LILRA6: variants seen among roughly 807,000 people sequenced by gnomAD.
LILRA6 encodes leukocyte immunoglobulin like receptor A6.
In LILRA6, 16 loss-of-function variants were observed where a neutral mutation model predicts 53.9. The observed-to-expected ratio is 0.30, with a 90% CI of 0.20 to 0.45. The LOEUF (loss-of-function observed/expected upper bound fraction) is 0.45. Ranked by LOEUF, LILRA6 falls within the 20% of genes least tolerant of loss-of-function variation. The pLI, the probability that LILRA6 is intolerant of heterozygous loss-of-function variation, is 1.00. For missense variants in LILRA6, 306 were observed against 618.6 expected, an observed-to-expected ratio of 0.49 and a Z score of 5.36; for synonymous variants, 135 against 256.4, an observed-to-expected ratio of 0.53 and a Z score of 4.52.
chr19:54,239,348 G>T, intron 7 of LILRA6: 2 of 1,093,062 alleles, frequency 1.8e-6, no homozygotes, highest in Admixed American at 5.2e-5. Context: ...TCATGACGTG[G>T]CTTTTACGGA....
exon 8 of LILRA6, chr19:54,238,811 G>A: frequency 2.8e-6 from 4 of 1,428,748 alleles, no homozygotes; most frequent in Non-Finnish European, 1.9e-6. Context: ...TTTGTGATCA[G>A]ACATGATTAC....
chr19:54,240,920 G>C (rs201564548), exon 5 of LILRA6: 4,614 of 1,612,716 alleles, frequency 2.9e-3, no homozygotes, highest in Non-Finnish European at 3.6e-3. Flanking sequence ...GCCCCCGTGG[G>C]AGGGGCTCAC....
At chr19:54,239,821 G>T (rs1207687509) in intron 7 of LILRA6, 80 bp downstream of exon 7, 3 of 1,550,692 alleles carry the variant, frequency 1.9e-6, no homozygotes, top group South Asian at 1.2e-5. Flanking sequence ...CCGTCCTTGA[G>T]GGGAGGGGAG....
exon 8 of LILRA6, chr19:54,238,864 T>C (rs945648705): frequency 7.1e-6 from 11 of 1,554,052 alleles, no homozygotes; most frequent in Non-Finnish European, 8.7e-6. Flanking sequence ...CCTCTGGAGG[T>C]CCTAGATTGT....
chr19:54,238,909 C>G (rs1408089802), exon 8 of LILRA6: 1 of 1,601,634 alleles, frequency 6.2e-7, no homozygotes, highest in Non-Finnish European at 8.5e-7. Context: ...AGATCTGTCC[C>G]TGAGGCTCCA....
intron 7 of LILRA6, 73 bp from the exon 8 acceptor site, chr19:54,239,162 C>T: frequency 1.3e-6 from 2 of 1,597,296 alleles, no homozygotes; most frequent in Non-Finnish European, 1.7e-6. Context: ...GGATGCCCAA[C>T]CCAGGGCACC....
chr19:54,242,471 T>G (rs1272094253), intron 2 of LILRA6, 48 bp downstream of exon 2: 1 of 1,077,496 alleles, frequency 9.3e-7, no homozygotes, highest in Admixed American at 2.3e-5. Flanking sequence ...GTGTGGCCCT[T>G]GTCCCTAGTA....
exon 8 of LILRA6, chr19:54,238,910 T>C (rs1044646112): frequency 3.7e-6 from 6 of 1,601,970 alleles, no homozygotes; most frequent in African/African-American, 1.4e-5. Flanking sequence ...GATCTGTCCC[T>C]GAGGCTCCAC....
exon 6 of LILRA6, chr19:54,240,505 G>A (rs2078727500): frequency 1.9e-6 from 3 of 1,605,042 alleles, no homozygotes; most frequent in Admixed American, 1.7e-5. Context: ...TGACACAGCA[G>A]GGTCACGTTC....
At chr19:54,239,371 A>T in intron 7 of LILRA6, 2 of 810,892 alleles carry the variant, frequency 2.5e-6, no homozygotes, top group Non-Finnish European at 3.7e-6. Context: ...TCCTCAATAA[A>T]CCCTCCCTCT....
rs768816389 is a variant in LILRA6, at chr19:54,242,103, G to A, written c.278C>T (p.Ala93Val). 7.2e-6 allele frequency: 10 copies of A among 1,394,066 alleles called. 1 individual carries two copies. The highest frequency in any genetic ancestry group is 2.8e-5 in the South Asian group (2 of 71,822). The allele number at this position is 1,394,066 out of a possible 1,614,324, so 86.4% of individuals were successfully genotyped here. A position where few individuals can be genotyped will look rare whatever the true frequency, so the allele number is the denominator to read the frequency against. ...GTAATAGTGGCAGCGGTATCTCCCC[G>A]CATGGTGCTCTGTTATGGATGGGAT... Residue 93 changes from alanine to valine, a missense_variant, in exon 3 of 8, where the codon GCG (alanine) becomes GTG (valine). Ala to Val is a moderately conservative substitution (Grantham distance 64). This residue lies in a region of LILRA6 where 30 missense variants were observed against 36.4 expected (regional missense o/e 0.82). Coordinates refer to ENST00000396365, the Ensembl canonical transcript of LILRA6.
In LILRA6 at chr19:54,240,536, G is replaced by A. The variant is rs1474243207; in HGVS notation, c.996C>T (p.Gly332=). The change falls in exon 6 of 8, where the codon GGC becomes GGT. Residue 332 remains glycine, a synonymous_variant. Coordinates refer to ENST00000396365, the Ensembl canonical transcript of LILRA6. ...CGTTCTCTCCTGAGGCCACTGTGGGGCCCGGCTGTGCTGACAGGGAGACGG... is the reference window on the plus strand; with the variant it reads ...CGTTCTCTCCTGAGGCCACTGTGGGACCCGGCTGTGCTGACAGGGAGACGG... 4 of 1,609,696 alleles carry A rather than the reference G, an allele frequency of 2.5e-6. No individual in the cohort carries two copies. The South Asian group carries it at 4.5e-5, about 18-fold the overall frequency.
downstream of LILRA6, chr19:54,238,205 T>C (rs543366795): frequency 2.0e-5 from 3 of 150,468 alleles, no homozygotes; most frequent in East Asian, 3.9e-4. Flanking sequence ...GCCCAGCTAA[T>C]GTTTTGTATT....
exon 5 of LILRA6, chr19:54,240,847 C>T (rs780938924): frequency 6.2e-7 from 1 of 1,613,740 alleles, no homozygotes; most frequent in Middle Eastern, 1.7e-4. Context: ...TCAGGATGTT[C>T]AGGGGGTCGC....
Position 54,239,093 on chromosome 19 carries a change from G to C in LILRA6, c.1310-4C>G. On this transcript the variant is annotated splice_polypyrimidine_tract_variant and splice_region_variant and intron_variant, in intron 7 of 7. Transcript: ENST00000396365. ...GTGTAATCCTTGGCGTGTGAGGCTG[G>C]GGATGGTGGGCAAAGAGGTCACAGA... is the stretch of plus-strand genomic sequence containing the variant. 1 of 1,611,076 alleles carries C rather than the reference G, an allele frequency of 6.2e-7. No individual in the cohort carries two copies. Among genetic ancestry groups the C allele is most frequent in the Non-Finnish European group, 8.5e-7 (1 of 1,179,402 alleles).
At chr19:54,240,507 G>T in exon 6 of LILRA6, 5 of 1,606,134 alleles carry the variant, frequency 3.1e-6, no homozygotes, top group Non-Finnish European at 3.4e-6. Context: ...ACACAGCAGG[G>T]TCACGTTCTC....
At chr19:54,239,835 G>A (rs1420897666) in intron 7 of LILRA6, 66 bp downstream of exon 7, 3 of 1,550,598 alleles carry the variant, frequency 1.9e-6, no homozygotes, top group Non-Finnish European at 1.7e-6. Context: ...AGGGGAGTGG[G>A]ATCCTTTGGG....
At chr19:54,240,520 C>T in exon 6 of LILRA6, 3 of 1,608,772 alleles carry the variant, frequency 1.9e-6, no homozygotes, top group Non-Finnish European at 2.5e-6. Flanking sequence ...ACGTTCTCTC[C>T]TGAGGCCACT....
At chr19:54,240,940 G>T in exon 5 of LILRA6, 1 of 1,614,080 alleles carries the variant, frequency 6.2e-7, no homozygotes, top group Non-Finnish European at 8.5e-7. Context: ...CAGGGCCCAG[G>T]GTGAAGTTGG....
Sources: allele counts gnomAD v4.1 joint callset, GRCh38; gene constraint gnomAD v4.1.1; regional missense constraint gnomAD v4.1.1; transcripts MANE v1.5; gene names NCBI Gene and HGNC (gene_info 2026-07-23, HGNC 2026-07-21).